IFT81: variants seen among roughly 807,000 people sequenced by gnomAD.
IFT81 encodes intraflagellar transport 81, also known as intraflagellar transport protein 81 homolog.
IFT81 carries 72 observed loss-of-function variants against 102.6 expected under a neutral mutation model. The observed-to-expected ratio is 0.70, with a 90% CI of 0.58 to 0.85. The LOEUF (loss-of-function observed/expected upper bound fraction) is 0.85. Among genes scored for constraint, IFT81 ranks in the 40% least tolerant of loss-of-function variants. The pLI is 0.00. For missense variants in IFT81, 723 were observed against 787.3 expected (o/e 0.92, Z 0.98); for synonymous variants, 237 against 242.7 (o/e 0.98, Z 0.22).
chr12:110,151,047 C>G (rs975775201), intron 10 of IFT81, among the ~76,000 whole-genome samples: 10 of 152,026 alleles, frequency 6.6e-5, no homozygotes, highest in African/African-American at 2.4e-4. Flanking sequence ...CCATATAATT[C>G]ACCCATTTAA....
At chr12:110,175,644 A>G (rs1217559645) in intron 11 of IFT81, among the ~76,000 whole-genome samples, 4 of 152,220 alleles carry the variant, frequency 2.6e-5, no homozygotes. Context: ...GAGCCATAGA[A>G]TATGTATAGT....
At chr12:110,202,544 C>T (rs936480406) in intron 14 of IFT81, among the ~76,000 whole-genome samples, 12 of 151,088 alleles carry the variant, frequency 7.9e-5, no homozygotes, top group Non-Finnish European at 1.6e-4. Context: ...CCTCCACCTC[C>T]CAGGTTCAAG....
chr12:110,165,299 A>G (rs1896374925), intron 11 of IFT81, among the ~76,000 whole-genome samples: 1 of 152,194 alleles, frequency 6.6e-6, no homozygotes, highest in Non-Finnish European at 1.5e-5. Flanking sequence ...TACTATGATA[A>G]AGTGATAGGC....
Position 110,218,182 on chromosome 12 carries a change from G to A in IFT81, c.1987G>A (p.Gly663Ser), listed in dbSNP as rs752334246. 1 of 1,581,876 alleles carries A rather than the reference G, an allele frequency of 6.3e-7. No individual in the cohort carries two copies. Among genetic ancestry groups the A allele is most frequent in the Non-Finnish European group, 8.5e-7 (1 of 1,169,766 alleles). Residue 663 changes from glycine to serine, a missense_variant, in exon 19 of 19, where the codon GGT becomes AGT. Physicochemically the swap from Gly to Ser is moderately conservative, Grantham distance 56. Coordinates refer to ENST00000242591, the MANE Select transcript of IFT81 (RefSeq NM_014055.4). ...FLKQQSQTSI[G>S]QVIQEGGEDR... The stretch of plus-strand genomic sequence containing the variant: ...GAAACAACAAAGCCAAACTTCCATT[G>A]GTCAGGTAATTCAGGAGGGTGGGGA...
intron 10 of IFT81, among the ~76,000 whole-genome samples, chr12:110,155,966 C>T (rs1033916478): frequency 6.6e-6 from 1 of 152,180 alleles, no homozygotes; most frequent in African/African-American, 2.4e-5. Context: ...GCTCCATCCC[C>T]ACCCCTTTCA....
chr12:110,139,866 T>TATAAA (rs1222136752), intron 8 of IFT81, among the ~76,000 whole-genome samples: 21,136 of 129,846 alleles, frequency 0.16, 2,127 homozygotes, highest in African/African-American at 0.29. Flanking sequence ...TAAAATAAAA[T>TATAAA]ATAAAATAAA....
chr12:110,129,116 G>A lies in IFT81; in HGVS notation c.415G>A (p.Asp139Asn). 6.3e-7 allele frequency: 1 copy of A among 1,596,568 alleles called. No individual in the cohort carries two copies. The highest frequency in any genetic ancestry group is 8.5e-7 in the Non-Finnish European group (1 of 1,174,848). Residue 139 changes from aspartate (D) to asparagine (N), a missense_variant, in exon 4 of 19, where the codon GAC becomes AAC. Coordinates refer to ENST00000242591, the MANE Select transcript of IFT81 (RefSeq NM_014055.4). Reference sequence around the variant, plus strand: ...GTTTCTTCAGGATGAAACTGTGGCTGACACCAATAAACAGGTAAACAATAC... The same window carrying A: ...GTTTCTTCAGGATGAAACTGTGGCTAACACCAATAAACAGGTAAACAATAC... The part of the protein sequence containing the change: ...SEFLQDETVA[D>N]TNKQYEELME...
chr12:110,137,783 G>A (rs1012407749), intron 8 of IFT81, among the ~76,000 whole-genome samples: 10 of 152,182 alleles, frequency 6.6e-5, no homozygotes, highest in African/African-American at 1.7e-4. Flanking sequence ...TAGCATGGAC[G>A]TTGTGAAAAT....
intron 18 of IFT81, among the ~76,000 whole-genome samples, chr12:110,212,537 TAA>T (rs71083109): frequency 1.0e-4 from 12 of 119,836 alleles, no homozygotes; most frequent in Admixed American, 8.8e-5. Context: ...AACTGTGTCT[TAA>T]AAAAAAAAAA....
chr12:110,217,583 G>C (rs1034885906), intron 18 of IFT81, among the ~76,000 whole-genome samples: 1 of 151,846 alleles, frequency 6.6e-6, no homozygotes. Context: ...TTTTCTTTGA[G>C]ACAGAGTCTT....
chr12:110,134,922 A>G (rs1231149309), intron 5 of IFT81, 26 bp from the exon 6 acceptor site: 2 of 1,570,182 alleles, frequency 1.3e-6, no homozygotes, highest in Non-Finnish European at 1.7e-6. Flanking sequence ...ACTTTTTCTT[A>G]TAAGGTCTTC....
chr12:110,138,886 A>G (rs1012318532), intron 8 of IFT81, among the ~76,000 whole-genome samples: 1 of 152,240 alleles, frequency 6.6e-6, no homozygotes, highest in African/African-American at 2.4e-5. Flanking sequence ...TAATTTACCC[A>G]GGATTTTGAA....
At chr12:110,215,922 C>T (rs922905393) in intron 18 of IFT81, among the ~76,000 whole-genome samples, 2 of 150,974 alleles carry the variant, frequency 1.3e-5, no homozygotes, top group African/African-American at 5.0e-5. Flanking sequence ...AGGATTTTGG[C>T]TTATTTAATA....
chr12:110,142,955 G>GA (rs1193866224), intron 8 of IFT81, among the ~76,000 whole-genome samples: 4 of 151,426 alleles, frequency 2.6e-5, no homozygotes, highest in African/African-American at 7.3e-5. Context: ...TATTCCAAAA[G>GA]AAAAAAAATA....
At chr12:110,126,481 A>C (rs905304777) in intron 1 of IFT81, among the ~76,000 whole-genome samples, 4 of 151,892 alleles carry the variant, frequency 2.6e-5, no homozygotes, top group African/African-American at 9.7e-5. Context: ...GAGATGAAGG[A>C]GGGGTGCGCA....
At chr12:110,144,238 A>G (rs368687564) in intron 9 of IFT81, among the ~76,000 whole-genome samples, 37 of 149,536 alleles carry the variant, frequency 2.5e-4, no homozygotes, top group African/African-American at 9.1e-4. Context: ...TTTTTTTGAG[A>G]CAGAGTCTCG....
intron 18 of IFT81, among the ~76,000 whole-genome samples, chr12:110,215,976 T>C: frequency 6.6e-6 from 1 of 152,128 alleles, no homozygotes; most frequent in East Asian, 1.9e-4. Flanking sequence ...CTGAAGTATA[T>C]GTGCATACAA....
chr12:110,136,753 A>G (rs1894534977), intron 7 of IFT81, 23 bp from the exon 8 acceptor site: 8 of 1,476,126 alleles, frequency 5.4e-6, no homozygotes, highest in Non-Finnish European at 7.5e-6. Context: ...TAAGCAAGTA[A>G]TCTATTTAAT....
In IFT81 at chr12:110,146,999, T is replaced by C. The variant is rs201060698; in HGVS notation, c.992T>C (p.Met331Thr). 6.2e-6 allele frequency: 10 copies of C among 1,610,786 alleles called. No homozygotes were observed. The East Asian group carries it at 1.8e-4, about 29-fold the overall frequency. The change falls in exon 10 of 19, where the codon ATG becomes ACG. Residue 331 changes from methionine to threonine, a missense_variant. Physicochemically the swap from Met to Thr is moderately conservative, Grantham distance 81. Coordinates refer to ENST00000242591, the MANE Select transcript of IFT81 (RefSeq NM_014055.4). ...ATTAACCAGTTGATTGAAAAGAAAA[T>C]GATGAGAAATGAGCCCATTGAAGGC... ...TEINQLIEKK[M>T]MRNEPIEGKL...
Sources: gnomAD v4.1 joint callset for allele counts (sites outside exome capture counted in the v4.1 genomes callset) on GRCh38, gnomAD v4.1.1 for gene constraint, MANE v1.5 for transcripts, NCBI Gene and HGNC (gene_info 2026-07-23, HGNC 2026-07-21) for gene names.